NELL2: variants seen among roughly 807,000 people sequenced by gnomAD.
The protein encoded by NELL2 is neural EGFL like 2, also known as protein kinase C-binding protein NELL2.
A neutral mutation model predicts 109.6 loss-of-function variants in NELL2; 41 were observed. That is an observed-to-expected ratio of 0.37 (90% CI 0.29 to 0.49). NELL2 has a LOEUF of 0.49. NELL2 is among the 20% of genes least tolerant of loss of function. The pLI is 0.98. For missense variants in NELL2, 900 were observed against 1,008.3 expected, an observed-to-expected ratio of 0.89 and a Z score of 1.45; for synonymous variants, 355 against 344.7, an observed-to-expected ratio of 1.03 and a Z score of -0.33.
At chr12:44,869,017 T>C (rs1410667800) in intron 2 of NELL2, among the ~76,000 whole-genome samples, 1 of 152,182 alleles carries the variant, frequency 6.6e-6, no homozygotes, top group African/African-American at 2.4e-5. Flanking sequence ...TTAAAAATAA[T>C]TAAATTTTAA....
Position 44,710,341 on chromosome 12 carries a change from G to A in NELL2, c.1189+951C>T, listed in dbSNP as rs572042299. ...AACAAGTACTAGTAGCTTATTTGGG[G>A]CAGTTTGTTATACAGCACCAATTAC... On this transcript the variant is annotated intron_variant, in intron 11 of 19. Coordinates refer to ENST00000429094, the MANE Select transcript of NELL2 (RefSeq NM_001145108.2). Among the ~76,000 whole-genome samples, 12 of 152,180 alleles carry A rather than the reference G, an allele frequency of 7.9e-5. 1 individual carries two copies. In the South Asian group the frequency reaches 2.5e-3, roughly 32 times the overall value.
intron 1 of NELL2, among the ~76,000 whole-genome samples, chr12:44,920,580 T>C (rs1243275256): frequency 6.6e-6 from 1 of 152,202 alleles, no homozygotes; most frequent in East Asian, 1.9e-4. Flanking sequence ...ATTCCCATTT[T>C]ATTTATTTTT....
chr12:44,524,654 G>C (rs977688845), intron 16 of NELL2, among the ~76,000 whole-genome samples: 11 of 152,090 alleles, frequency 7.2e-5, no homozygotes, highest in African/African-American at 2.7e-4. Flanking sequence ...ATGTATTCCT[G>C]AAAGTAAGCC....
At chr12:44,736,004 C>CTTT (rs35988182) in intron 9 of NELL2, among the ~76,000 whole-genome samples, 203 of 99,346 alleles carry the variant, frequency 2.0e-3, no homozygotes, top group Non-Finnish European at 3.0e-3. Context: ...GCAGTTAATT[C>CTTT]TTTTTTTTTT....
intron 13 of NELL2, among the ~76,000 whole-genome samples, chr12:44,664,972 T>C (rs965026967): frequency 1.3e-5 from 2 of 152,120 alleles, no homozygotes; most frequent in African/African-American, 4.8e-5. Context: ...CTTTAGATGA[T>C]ACTAAAAGAG....
At chr12:44,784,030 A>C (rs11182671) in intron 3 of NELL2, among the ~76,000 whole-genome samples, 36,176 of 151,986 alleles carry the variant, frequency 0.24, 4,590 homozygotes, top group South Asian at 0.3. Flanking sequence ...TTGAAAATCA[A>C]TCCATTATAC....
chr12:44,873,564 A>C (rs1275394947), intron 2 of NELL2, among the ~76,000 whole-genome samples: 1 of 152,160 alleles, frequency 6.6e-6, no homozygotes, highest in African/African-American at 2.4e-5. Context: ...TAGAATACTA[A>C]TAAAATTTAA....
chr12:44,918,644 G>T (rs2136898898), upstream of NELL2, among the ~76,000 whole-genome samples: 1 of 151,226 alleles, frequency 6.6e-6, no homozygotes, highest in East Asian at 2.0e-4. Context: ...GTATTTAAAA[G>T]TATTTCTAAG....
Position 44,792,367 on chromosome 12 carries a change from G to A in NELL2, c.336-12345C>T, listed in dbSNP as rs140448979. Among the ~76,000 whole-genome samples the A allele has an allele frequency of 6.3e-4, 96 of 152,172 alleles. No individual in the cohort carries two copies. In the East Asian group the frequency reaches 0.017, roughly 27 times the overall value. ...AGAGATTTTTTCTTCATTTTTACTG[G>A]TGAGAAATACTATACGTGCTTGTAT... is the stretch of plus-strand genomic sequence containing the variant. On this transcript the variant is annotated intron_variant, in intron 3 of 19. Coordinates refer to ENST00000429094, the MANE Select transcript of NELL2 (RefSeq NM_001145108.2).
chr12:44,728,654 T>C (rs999440320), intron 9 of NELL2, among the ~76,000 whole-genome samples: 3 of 152,056 alleles, frequency 2.0e-5, no homozygotes, highest in African/African-American at 4.8e-5. Flanking sequence ...CAAGATTAAA[T>C]GCAAACAAAG....
chr12:44,747,772 G>A (rs1245707212), intron 9 of NELL2, among the ~76,000 whole-genome samples: 5 of 152,030 alleles, frequency 3.3e-5, no homozygotes, highest in Admixed American at 3.3e-4. Context: ...CTGCGCTTCT[G>A]GTGTTCCATT....
intron 13 of NELL2, among the ~76,000 whole-genome samples, chr12:44,657,202 C>T (rs1947536329): frequency 6.6e-6 from 1 of 152,140 alleles, no homozygotes; most frequent in East Asian, 1.9e-4. Flanking sequence ...TCATAAAATT[C>T]ACCACTCTTT....
rs1942272741 is a variant in NELL2 at position 44,535,847 on chromosome 12, T to A, written c.1664-3126A>T. 1.3e-5 allele frequency among the ~76,000 whole-genome samples: 2 copies of A among 151,956 alleles called. 1 individual carries two copies. Among genetic ancestry groups the A allele is most frequent in the Admixed American group, 1.3e-4 (2 of 15,236 alleles). ...AGCAATATACAATATAGGGTAATTA[T>A]TCATCTTTCAAAGGGAGTTGCTGAG... On this transcript the variant is annotated intron_variant, in intron 15 of 19. Coordinates refer to ENST00000429094, the MANE Select transcript of NELL2 (RefSeq NM_001145108.2).
intron 13 of NELL2, among the ~76,000 whole-genome samples, chr12:44,648,727 ATATATT>A (rs1226883488): frequency 5.9e-5 from 6 of 101,806 alleles, no homozygotes; most frequent in South Asian, 3.0e-4. Flanking sequence ...ATATATATAT[ATATATT>A]TTTTTTTTTT....
chr12:44,852,614 G>C (rs544208985), intron 2 of NELL2, among the ~76,000 whole-genome samples: 3 of 152,242 alleles, frequency 2.0e-5, no homozygotes, highest in Admixed American at 6.5e-5. Context: ...GTTTCCACAA[G>C]CTAACTGGCA....
intron 12 of NELL2, among the ~76,000 whole-genome samples, chr12:44,686,808 C>T (rs1463054300): frequency 6.6e-6 from 1 of 152,184 alleles, no homozygotes; most frequent in Non-Finnish European, 1.5e-5. Flanking sequence ...AGCGCCACTG[C>T]TCTCTTCAAA....
intron 1 of NELL2, among the ~76,000 whole-genome samples, chr12:44,921,166 G>A (rs1015728724): frequency 1.3e-5 from 2 of 152,098 alleles, no homozygotes; most frequent in Non-Finnish European, 2.9e-5. Context: ...ATCTATTTGG[G>A]ATTCTATTTT....
intron 19 of NELL2, among the ~76,000 whole-genome samples, chr12:44,518,182 A>T (rs1941359830): frequency 6.6e-6 from 1 of 152,152 alleles, no homozygotes; most frequent in South Asian, 2.1e-4. Flanking sequence ...ATATATTCCT[A>T]TCAAAAGCTG....
chr12:44,916,171 A>G (rs1945827489), upstream of NELL2, among the ~76,000 whole-genome samples: 1 of 152,244 alleles, frequency 6.6e-6, no homozygotes, highest in Admixed American at 6.5e-5. Flanking sequence ...ATAATAGGCA[A>G]CCAACAGGCC....
Sources: gnomAD v4.1 joint callset for allele counts (sites outside exome capture counted in the v4.1 genomes callset) on GRCh38, gnomAD v4.1.1 for gene constraint, MANE v1.5 for transcripts, NCBI Gene and HGNC (gene_info 2026-07-23, HGNC 2026-07-21) for gene names.